The following GPRASP3 variants were observed in gnomAD, a reference collection of about 807,000 sequenced individuals.
The protein encoded by GPRASP3 is G protein-coupled receptor associated sorting protein family member 3.
the GPRASP3 span, among the ~76,000 whole-genome samples, chrX:102,723,432 C>T: frequency 9.0e-6 from 1 of 111,608 alleles, no homozygotes; most frequent in African/African-American, 3.3e-5. Context: ...CTCCTACCCT[C>T]TCCTATTATT....
the GPRASP3 span, among the ~76,000 whole-genome samples, chrX:102,748,470 C>G: frequency 8.9e-6 from 1 of 112,460 alleles, no homozygotes; most frequent in Non-Finnish European, 1.9e-5. Flanking sequence ...GCAAGCTTAC[C>G]TGCCATCTTT....
At chrX:102,730,251 T>C in the GPRASP3 span, among the ~76,000 whole-genome samples, 1 of 111,410 alleles carries the variant, frequency 9.0e-6, no homozygotes, top group Non-Finnish European at 1.9e-5. Flanking sequence ...CGGTTTGTGC[T>C]CTTATGAGAA....
At chrX:102,732,851 C>G in the GPRASP3 span, among the ~76,000 whole-genome samples, 39 of 111,521 alleles carry the variant, frequency 3.5e-4, no homozygotes, top group African/African-American at 1.2e-3. Context: ...CTTCAAATAC[C>G]TATGAGTTGA....
the GPRASP3 span, among the ~76,000 whole-genome samples, chrX:102,730,496 C>T: frequency 1.8e-5 from 2 of 112,205 alleles, no homozygotes. Context: ...AGACATGTCT[C>T]AATTGATTTA....
At chrX:102,753,420 A>G in the GPRASP3 span, 1 of 123,339 alleles carries the variant, frequency 8.1e-6, no homozygotes, top group Non-Finnish European at 1.9e-5. Context: ...TGGCCATTAT[A>G]AGTAAAGCAG....
chrX:102,749,689 G>A, the GPRASP3 span: 8 of 1,211,031 alleles, frequency 6.6e-6, no homozygotes, highest in Non-Finnish European at 8.9e-6. Context: ...AGCTGTGTTA[G>A]GATTTAGATC....
chrX:102,750,685 A>G, the GPRASP3 span: 1 of 1,038,929 alleles, frequency 9.6e-7, no homozygotes, highest in African/African-American at 1.9e-5. Context: ...AAACTCTAGC[A>G]GGCTGTACAT....
chrX:102,721,172 CTG>C, the GPRASP3 span: 1 of 111,258 alleles, frequency 9.0e-6, no homozygotes, highest in Non-Finnish European at 1.9e-5. Context: ...GCCCAGTGCC[CTG>C]TGTTTGTATG....
At chrX:102,731,828 C>T in the GPRASP3 span, among the ~76,000 whole-genome samples, 5 of 111,368 alleles carry the variant, frequency 4.5e-5, no homozygotes, top group South Asian at 7.7e-4. Flanking sequence ...GAAGTGAGCA[C>T]GCACAGTGTG....
At chrX:102,750,498 C>G in the GPRASP3 span, 4 of 1,210,031 alleles carry the variant, frequency 3.3e-6, no homozygotes, top group Non-Finnish European at 4.5e-6. Context: ...AGGCAAAAGC[C>G]AATCTTGTTA....
chrX:102,728,647 A>T, the GPRASP3 span, among the ~76,000 whole-genome samples: 3 of 95,857 alleles, frequency 3.1e-5, no homozygotes, highest in African/African-American at 4.1e-5. Context: ...GAGCTCCTGG[A>T]CTTAAGCGAT....
the GPRASP3 span, among the ~76,000 whole-genome samples, chrX:102,728,508 C>A: frequency 0.077 from 8,240 of 106,751 alleles, 625 homozygotes; most frequent in South Asian, 0.29. Context: ...TTTTCCAGGG[C>A]AACCTAATTC....
chrX:102,743,988 C>T, the GPRASP3 span, among the ~76,000 whole-genome samples: 1 of 111,945 alleles, frequency 8.9e-6, no homozygotes, highest in African/African-American at 3.2e-5. Context: ...ATGTCTACAC[C>T]TTAGCAGGAC....
chrX:102,741,800 A>G, the GPRASP3 span, among the ~76,000 whole-genome samples: 2 of 112,297 alleles, frequency 1.8e-5, no homozygotes, highest in Non-Finnish European at 3.8e-5. Context: ...GAACAAGGAT[A>G]AGAATTACAG....
chrX:102,734,009 G>C, the GPRASP3 span, among the ~76,000 whole-genome samples: 1 of 110,276 alleles, frequency 9.1e-6, no homozygotes, highest in South Asian at 3.9e-4. Flanking sequence ...CTCAGTGGGG[G>C]AACTTTTGAG....
chrX:102,732,178 A>G, the GPRASP3 span, among the ~76,000 whole-genome samples: 7 of 111,347 alleles, frequency 6.3e-5, no homozygotes, highest in Admixed American at 4.8e-4. Flanking sequence ...CAAGACCCCA[A>G]ATCTTTGGGG....
chrX:102,731,191 C>T, the GPRASP3 span, among the ~76,000 whole-genome samples: 1 of 112,813 alleles, frequency 8.9e-6, no homozygotes, highest in Non-Finnish European at 1.9e-5. Flanking sequence ...GGAAGGTATC[C>T]AAGTTACCAA....
chrX:102,727,858 C>G, the GPRASP3 span, among the ~76,000 whole-genome samples: 2 of 112,059 alleles, frequency 1.8e-5, no homozygotes, highest in Non-Finnish European at 3.8e-5. Flanking sequence ...AATGCCAGCT[C>G]CCTTTTAAGG....
At chrX:102,732,895 C>A in the GPRASP3 span, among the ~76,000 whole-genome samples, 1 of 111,476 alleles carries the variant, frequency 9.0e-6, no homozygotes, top group African/African-American at 3.3e-5. Context: ...TCCAAAATAA[C>A]TTGGGGTTCC....
Sources: allele counts gnomAD v4.1 joint callset (sites outside exome capture counted in the v4.1 genomes callset), GRCh38; gene constraint gnomAD v4.1.1; transcripts MANE v1.5; gene names NCBI Gene and HGNC (gene_info 2026-07-23, HGNC 2026-07-21).